SPDYE5: variants seen among roughly 807,000 people sequenced by gnomAD.
The protein encoded by SPDYE5 is speedy protein E5.
A neutral mutation model predicts 48.5 loss-of-function variants in SPDYE5; 15 were observed. That is an observed-to-expected ratio of 0.31 (90% CI 0.21 to 0.48). The LOEUF is 0.48. Among genes scored for constraint, SPDYE5 ranks in the 20% least tolerant of loss-of-function variants. SPDYE5 has a pLI of 0.99. For missense variants in SPDYE5, 331 were observed against 549.1 expected, an observed-to-expected ratio of 0.60 and a Z score of 3.97; for synonymous variants, 116 against 200.7, an observed-to-expected ratio of 0.58 and a Z score of 3.57.
rs1258977546 is a variant in SPDYE5, at chr7:75,501,633, C to T, written c.1027C>T (p.Arg343Cys). 7 of 1,613,390 alleles carry T rather than the reference C, an allele frequency of 4.3e-6. No homozygotes were observed. Among genetic ancestry groups the T allele is most frequent in the African/African-American group, 2.7e-5 (2 of 74,844 alleles). Reference sequence around the variant, plus strand: ...CCGTAAGCGTCGGTTCCAGTTAGGCCGTTCCATGAACCTGAGGGCCAGGAA... The same window carrying T: ...CCGTAAGCGTCGGTTCCAGTTAGGCTGTTCCATGAACCTGAGGGCCAGGAA... ...LLRKRRFQLG[R>C]SMNLRARKNR... The change falls in exon 7 of 9, where the codon CGT (arginine) becomes TGT (cysteine). Residue 343 changes from arginine (R) to cysteine (C), a missense_variant. Transcript: ENST00000625065.
At position 75,501,441 on chromosome 7, in the gene SPDYE5, T is replaced by G; in HGVS notation, c.835T>G (p.Ser279Ala). Residue 279 changes from serine to alanine, a missense_variant, in exon 7 of 9, where the codon TCT becomes GCT. This residue lies in a region of SPDYE5 where 70 missense variants were observed against 87.6 expected (regional missense o/e 0.80). Transcript: ENST00000625065. ...CCACTTCCTGTATGGGAAGAACCGC[T>G]CTCGCATACCCTTGCTCCGTAAGCG... ...IFHFLYGKNR[S>A]RIPLLRKRWF... 6.2e-7 allele frequency: 1 copy of G among 1,610,586 alleles called. No individual in the cohort carries two copies.
rs1792837307 is a variant in SPDYE5, at chr7:75,494,143, C to T, written c.96C>T (p.Pro32=). Residue 32 remains proline, a synonymous_variant, in exon 2 of 9, where the codon CCC becomes CCT. Coordinates refer to ENST00000625065, the MANE Select transcript of SPDYE5 (RefSeq NM_001306141.4). ...RQPQPQNEQS[P]QRSTSGYPLQ... is the part of the protein sequence containing the mutation. ...CGCAACCCCAGAATGAGCAGAGTCC[C>T]CAGCGGAGCACCTCGGGGTACCCCC... The T allele has an allele frequency of 6.5e-7, 1 of 1,535,374 alleles. No individual in the cohort carries two copies. Among genetic ancestry groups the T allele is most frequent in the South Asian group, 1.2e-5 (1 of 83,966 alleles).
Position 75,493,730 on chromosome 7 carries a change from T to C in SPDYE5, c.-318T>C, listed in dbSNP as rs1792819768. The C allele has an allele frequency of 7.1e-7, 1 of 1,410,510 alleles. No homozygotes were observed. The highest frequency in any genetic ancestry group is 9.2e-7 in the Non-Finnish European group (1 of 1,086,540). 87.4% of individuals were successfully genotyped at this position (1,410,510 alleles called of 1,614,324 possible). A position where few individuals can be genotyped will look rare whatever the true frequency, so the allele number is the denominator to read the frequency against. On this transcript the variant is annotated 5_prime_UTR_variant, in exon 2 of 9. An upstream start codon of the reference 5' UTR is lost. Transcript: ENST00000625065. ...TCTGCTGGGACAGGGAACAGAGGGA[T>C]GTGGAGTCCCTGAAGATGCTTTTGG...
rs371886984 is a variant in SPDYE5 at position 75,501,522 on chromosome 7, A to G, written c.916A>G (p.Ile306Val). 7 of 1,511,964 alleles carry G rather than the reference A, an allele frequency of 4.6e-6. No homozygotes were observed. The African/African-American group carries it at 8.3e-5, about 18-fold the overall frequency. 93.7% of individuals were successfully genotyped at this position (1,511,964 alleles called of 1,614,324 possible). A position where few individuals can be genotyped will look rare whatever the true frequency, so the allele number is the denominator to read the frequency against. Reference protein sequence around the residue: ...NPRARKKRSRIPLLRKRRFQL... With the variant: ...NPRARKKRSRVPLLRKRRFQL... The stretch of plus-strand genomic sequence containing the variant: ...GAGGGCCAGGAAGAAGCGCTCTCGC[A>G]TACCCTTGCTCCGTAAGCGTCGGTT... The change falls in exon 7 of 9, where the codon ATA (isoleucine) becomes GTA (valine). Residue 306 changes from isoleucine (I) to valine (V), a missense_variant. Around this residue, in one of 8 missense-constraint regions of SPDYE5, gnomAD observed 70 missense variants for 87.6 expected, o/e 0.80. Transcript: ENST00000625065.
intron 6 of SPDYE5, among the ~76,000 whole-genome samples, chr7:75,500,225 G>A (rs1793092935): frequency 7.0e-6 from 1 of 143,586 alleles, no homozygotes; most frequent in Non-Finnish European, 1.5e-5. Flanking sequence ...CAAGCACACT[G>A]GCTCGCCATC....
At chr7:75,499,516 C>T (rs1584741106) in intron 6 of SPDYE5, among the ~76,000 whole-genome samples, 200 bp downstream of exon 6, 1 of 152,030 alleles carries the variant, frequency 6.6e-6, no homozygotes, top group East Asian at 1.9e-4. Context: ...CCTGTAATCC[C>T]AGCACTTTGG....
rs77070343 is a variant in SPDYE5 at position 75,493,657 on chromosome 7, C to A, written c.-391C>A. The A allele has an allele frequency of 3.0e-6, 4 of 1,337,862 alleles. No individual in the cohort carries two copies. Among genetic ancestry groups the A allele is most frequent in the Admixed American group, 3.6e-5 (1 of 27,904 alleles). The allele number at this position is 1,337,862 out of a possible 1,614,324, so 82.9% of individuals were successfully genotyped here. A position where few individuals can be genotyped will look rare whatever the true frequency, so the allele number is the denominator to read the frequency against. ...ACTCTGAAATGGGCATGTACAGAGA[C>A]AAAGAGACCCCAACATGCTTCAGGC... On this transcript the variant is annotated 5_prime_UTR_variant, in exon 2 of 9. Transcript: ENST00000625065.
rs1554483545 is a variant in SPDYE5 at position 75,501,606 on chromosome 7, C to G, written c.1000C>G (p.Leu334Val). 3 of 1,611,008 alleles carry G rather than the reference C, an allele frequency of 1.9e-6. No individual in the cohort carries two copies. The highest frequency in any genetic ancestry group is 2.5e-6 in the Non-Finnish European group (3 of 1,178,374). The change falls in exon 7 of 9, where the codon CTC becomes GTC. Residue 334 changes from leucine to valine, a missense_variant. Leu to Val is a conservative substitution (Grantham distance 32). Transcript: ENST00000625065. The part of the protein sequence containing the change: ...ARKNRSRIPL[L>V]RKRRFQLGRS... ...GAAGAACCGCTCTCGCATACCCTTG[C>G]TCCGTAAGCGTCGGTTCCAGTTAGG...
At chr7:75,498,253 A>T (rs1333878865) in intron 5 of SPDYE5, among the ~76,000 whole-genome samples, 5 of 150,904 alleles carry the variant, frequency 3.3e-5, no homozygotes, top group Non-Finnish European at 7.4e-5. Flanking sequence ...GCCTCCAAGC[A>T]GCTGGGATTA....
At chr7:75,502,585 A>G (rs1554483758) in intron 8 of SPDYE5, among the ~76,000 whole-genome samples, 1 of 151,876 alleles carries the variant, frequency 6.6e-6, no homozygotes, top group Non-Finnish European at 1.5e-5. Flanking sequence ...GACCCACCCA[A>G]AGTCCTTGCT....
chr7:75,501,598 T>C lies in SPDYE5; in HGVS notation c.992T>C (p.Ile331Thr). 6.2e-7 allele frequency: 1 copy of C among 1,611,134 alleles called. No homozygotes were observed. Among genetic ancestry groups the C allele is most frequent in the Non-Finnish European group, 8.5e-7 (1 of 1,178,366 alleles). ...AGGGCCAGGAAGAACCGCTCTCGCA[T>C]ACCCTTGCTCCGTAAGCGTCGGTTC... is the stretch of plus-strand genomic sequence containing the variant. ...NPRARKNRSR[I>T]PLLRKRRFQL... Residue 331 changes from isoleucine (I) to threonine (T), a missense_variant, in exon 7 of 9, where the codon ATA becomes ACA. This residue lies in a region of SPDYE5 where 101 missense variants were observed against 104.0 expected (regional missense o/e 0.97). Coordinates refer to ENST00000625065, the MANE Select transcript of SPDYE5 (RefSeq NM_001306141.4).
intron 8 of SPDYE5, among the ~76,000 whole-genome samples, chr7:75,502,352 T>TGGGTCGAG (rs1793190291): frequency 6.6e-6 from 1 of 151,706 alleles, no homozygotes; most frequent in Admixed American, 6.6e-5. Flanking sequence ...AGTGAAGCTT[T>TGGGTCGAG]GGTTTACATC....
intron 6 of SPDYE5, among the ~76,000 whole-genome samples, chr7:75,500,020 C>T (rs1449404525): frequency 2.4e-5 from 3 of 124,602 alleles, no homozygotes; most frequent in African/African-American, 9.2e-5. Flanking sequence ...AGGTCCCCCT[C>T]GCATCACTCG....
chr7:75,497,631 T>C (rs1439793836), intron 4 of SPDYE5, among the ~76,000 whole-genome samples: 2 of 146,990 alleles, frequency 1.4e-5, no homozygotes, highest in Admixed American at 6.9e-5. Flanking sequence ...GAGGAAATGA[T>C]GGGAATTCCT....
Position 75,501,548 on chromosome 7 carries a change from C to T in SPDYE5, c.942C>T (p.Phe314=), listed in dbSNP as rs1554483512. The T allele has an allele frequency of 1.3e-6, 2 of 1,598,784 alleles. No homozygotes were observed. The highest frequency in any genetic ancestry group is 8.5e-7 in the Non-Finnish European group (1 of 1,171,494). ...TACCCTTGCTCCGTAAGCGTCGGTT[C>T]CAGTTAGGCCGTTCCATGAACCCGA... ...SRIPLLRKRR[F]QLGRSMNPRA... is the part of the protein sequence containing the mutation. Residue 314 remains phenylalanine, a synonymous_variant, in exon 7 of 9, where the codon TTC becomes TTT. Coordinates refer to ENST00000625065, the MANE Select transcript of SPDYE5 (RefSeq NM_001306141.4).
Position 75,494,212 on chromosome 7 carries a change from G to C in SPDYE5, c.160+5G>C. 1 of 1,534,658 alleles carries C rather than the reference G, an allele frequency of 6.5e-7. No individual in the cohort carries two copies. The highest frequency in any genetic ancestry group is 2.0e-5 in the Admixed American group (1 of 50,932). On this transcript the variant is annotated splice_donor_5th_base_variant and intron_variant, in intron 2 of 8. Transcript: ENST00000625065. ...ATGAAGTGTTGGGACCATCAGGTGAGGGGACTGGTGGAAGAAGAGGTGGGA... is the reference window on the plus strand; with the variant it reads ...ATGAAGTGTTGGGACCATCAGGTGACGGGACTGGTGGAAGAAGAGGTGGGA...
At chr7:75,502,242 G>A (rs587720528) in intron 8 of SPDYE5, among the ~76,000 whole-genome samples, 1 of 140,392 alleles carries the variant, frequency 7.1e-6, no homozygotes, top group Admixed American at 7.3e-5. Flanking sequence ...CAGCCCGGGC[G>A]ACAGAGTGAG....
Position 75,501,972 on chromosome 7 carries a change from C to T in SPDYE5, c.*35C>T, listed in dbSNP as rs587660494. On this transcript the variant is annotated 3_prime_UTR_variant, in exon 8 of 9. Coordinates refer to ENST00000625065, the MANE Select transcript of SPDYE5 (RefSeq NM_001306141.4). ...GACCGTGGAGGCCTGAGGTCATCGG[C>T]CTGAGAGAAGGTACATCTGCATCCT... 4.2e-5 allele frequency: 66 copies of T among 1,578,454 alleles called. 1 individual carries two copies. In the South Asian group the frequency reaches 7.0e-4, roughly 17 times the overall value.
upstream of SPDYE5, among the ~76,000 whole-genome samples, chr7:75,492,174 G>C (rs1473140335): frequency 2.0e-5 from 3 of 152,004 alleles, no homozygotes; most frequent in African/African-American, 7.2e-5. Context: ...ATTTTAATGG[G>C]GTCAGAACAT....
Sources: allele counts gnomAD v4.1 joint callset (sites outside exome capture counted in the v4.1 genomes callset), GRCh38; gene constraint gnomAD v4.1.1; regional missense constraint gnomAD v4.1.1; transcripts MANE v1.5; gene names NCBI Gene and HGNC (gene_info 2026-07-23, HGNC 2026-07-21).